AJAP1: variants seen among roughly 807,000 people sequenced by gnomAD.
The protein encoded by AJAP1 is adherens junction-associated protein 1.
A neutral mutation model predicts 35.0 loss-of-function variants in AJAP1; 5 were observed. The observed-to-expected ratio is 0.14, with a 90% CI of 0.07 to 0.30. The LOEUF (loss-of-function observed/expected upper bound fraction) is 0.30. AJAP1 is among the 10% of genes least tolerant of loss of function. The pLI, the probability that AJAP1 is intolerant of heterozygous loss-of-function variation, is 1.00. For synonymous variants in AJAP1, 284 were observed against 249.3 expected, an observed-to-expected ratio of 1.14 and a Z score of -1.31; for missense variants, 586 against 571.0, an observed-to-expected ratio of 1.03 and a Z score of -0.27.
At chr1:4,738,807 C>A (rs774278025) in intron 2 of AJAP1, among the ~76,000 whole-genome samples, 4 of 152,126 alleles carry the variant, frequency 2.6e-5, no homozygotes, top group Non-Finnish European at 4.4e-5. Flanking sequence ...CATGCATGGA[C>A]AAAATGTGGG....
At chr1:4,658,554 AATCT>A (rs1467589322) in intron 1 of AJAP1, among the ~76,000 whole-genome samples, 3 of 152,176 alleles carry the variant, frequency 2.0e-5, no homozygotes, top group East Asian at 1.9e-4. Context: ...TTGCAACTGG[AATCT>A]ATCTAGTGTC....
chr1:4,714,445 C>T (rs184909135), intron 2 of AJAP1, among the ~76,000 whole-genome samples: 4 of 152,314 alleles, frequency 2.6e-5, no homozygotes, highest in African/African-American at 7.2e-5. Context: ...CTGTCACCTC[C>T]TCTGTATACG....
chr1:4,747,552 C>T (rs1641217333), intron 2 of AJAP1, among the ~76,000 whole-genome samples: 1 of 152,306 alleles, frequency 6.6e-6, no homozygotes, highest in South Asian at 2.1e-4. Flanking sequence ...CCCACTTGTC[C>T]CTCTTGGGCC....
chr1:4,782,365 T>C lies in AJAP1; in HGVS notation c.*60-180T>C, dbSNP rs1285774464. ...TCTTCCAGTTCCTGCTGACCAGTTC[T>C]AGTGAGGCCTTGTCCACGTTCCAAG... On this transcript the variant is annotated intron_variant, in intron 5 of 5. Coordinates refer to ENST00000378191, the MANE Select transcript of AJAP1 (RefSeq NM_018836.4). The surrounding 1 kb of genome is among the most constrained non-coding windows in gnomAD (Gnocchi z 5.3). Among the ~76,000 whole-genome samples the C allele has an allele frequency of 6.6e-6, 1 of 152,154 alleles. No individual in the cohort carries two copies. The highest frequency in any genetic ancestry group is 2.4e-5 in the African/African-American group (1 of 41,452).
intron 1 of AJAP1, among the ~76,000 whole-genome samples, chr1:4,689,474 C>T (rs909774593): frequency 6.6e-6 from 1 of 152,172 alleles, no homozygotes; most frequent in Admixed American, 6.5e-5. Context: ...GGATCATGCA[C>T]AGGGCAGAGG....
chr1:4,737,453 G>T (rs1280886089), intron 2 of AJAP1, among the ~76,000 whole-genome samples: 2 of 151,870 alleles, frequency 1.3e-5, no homozygotes, highest in African/African-American at 2.4e-5. Context: ...GCAGCAACAG[G>T]ACGCAGTGCA....
At chr1:4,682,986 C>G (rs1009711208) in intron 1 of AJAP1, among the ~76,000 whole-genome samples, 4 of 152,190 alleles carry the variant, frequency 2.6e-5, no homozygotes, top group African/African-American at 9.7e-5. Flanking sequence ...CCAGCTATGT[C>G]AGTCCAGGCC....
At chr1:4,677,332 G>T (rs532827182) in intron 1 of AJAP1, among the ~76,000 whole-genome samples, 1 of 152,230 alleles carries the variant, frequency 6.6e-6, no homozygotes, top group Admixed American at 6.5e-5. Context: ...TCGCTTTGTA[G>T]GGCTCCTAAA....
chr1:4,728,356 C>T (rs1479749174), intron 2 of AJAP1, among the ~76,000 whole-genome samples: 1 of 152,072 alleles, frequency 6.6e-6, no homozygotes, highest in Non-Finnish European at 1.5e-5. Context: ...CTCCCTTTTT[C>T]CCTGGAGTCA....
rs572254905 is a variant in AJAP1 at position 4,694,174 on chromosome 1, G to A, written c.30-17726G>A. On this transcript the variant is annotated intron_variant, in intron 1 of 5. Transcript: ENST00000378191. ...TACGACCAGCTCAGCCCAGGGGCAC[G>A]GGTGCCAGTCTGCACCCACTTCATG... Among the ~76,000 whole-genome samples, 6 of 122,330 alleles carry A rather than the reference G, an allele frequency of 4.9e-5. No individual in the cohort carries two copies. In the South Asian group the frequency reaches 1.3e-3, roughly 27 times the overall value. 80.3% of individuals were successfully genotyped at this position (122,330 alleles called of 152,430 possible).
At chr1:4,689,818 C>G (rs1256923938) in intron 1 of AJAP1, among the ~76,000 whole-genome samples, 3 of 152,204 alleles carry the variant, frequency 2.0e-5, no homozygotes, top group African/African-American at 7.2e-5. Flanking sequence ...GGGAAACAGC[C>G]CCGCCAAGGC....
At chr1:4,773,882 G>A (rs1570227422) in intron 4 of AJAP1, among the ~76,000 whole-genome samples, 2 of 152,214 alleles carry the variant, frequency 1.3e-5, no homozygotes, top group Non-Finnish European at 2.9e-5. Flanking sequence ...AGCAGAGTTC[G>A]CACAGCTGGT....
Position 4,655,532 on chromosome 1 carries a change from T to G in AJAP1, c.29+78T>G. 6.7e-7 allele frequency: 1 copy of G among 1,503,106 alleles called. No individual in the cohort carries two copies. The highest frequency in any genetic ancestry group is 9.0e-7 in the Non-Finnish European group (1 of 1,112,326). 93.1% of individuals were successfully genotyped at this position (1,503,106 alleles called of 1,614,324 possible). ...GGCGGAAGCGGCGCTTTCCTCTATGTTGCAAATCAAGGGACCCCTCTTCGC... is the reference window on the plus strand; with the variant it reads ...GGCGGAAGCGGCGCTTTCCTCTATGGTGCAAATCAAGGGACCCCTCTTCGC... On this transcript the variant is annotated intron_variant, in intron 1 of 5. Transcript: ENST00000378191. The surrounding 1 kb of genome is among the most constrained non-coding windows in gnomAD (Gnocchi z 6.9).
At chr1:4,696,453 G>T (rs1420497804) in intron 1 of AJAP1, among the ~76,000 whole-genome samples, 8 of 152,154 alleles carry the variant, frequency 5.3e-5, no homozygotes, top group African/African-American at 1.2e-4. Flanking sequence ...TGGCTATGCT[G>T]TGTCCCTTTG....
At chr1:4,680,922 C>A (rs1265693943) in intron 1 of AJAP1, among the ~76,000 whole-genome samples, 1 of 152,118 alleles carries the variant, frequency 6.6e-6, no homozygotes, top group Admixed American at 6.5e-5. Flanking sequence ...TGTCTTATAA[C>A]CTTGTACAAT....
intron 2 of AJAP1, among the ~76,000 whole-genome samples, chr1:4,729,180 G>C (rs1354017355): frequency 6.6e-6 from 1 of 152,208 alleles, no homozygotes; most frequent in Non-Finnish European, 1.5e-5. Context: ...CATCCATGGT[G>C]AATGAATAAG....
At chr1:4,761,874 T>C (rs553162199) in intron 2 of AJAP1, among the ~76,000 whole-genome samples, 45 of 152,338 alleles carry the variant, frequency 3.0e-4, no homozygotes, top group Non-Finnish European at 5.3e-4. Flanking sequence ...CTGATTAGAT[T>C]GTGCCCACCC....
At chr1:4,673,187 T>C (rs1639284352) in intron 1 of AJAP1, among the ~76,000 whole-genome samples, 1 of 152,178 alleles carries the variant, frequency 6.6e-6, no homozygotes, top group South Asian at 2.1e-4. Context: ...GCTAGTCTTC[T>C]CACCAATGGA....
At chr1:4,772,587 G>T in intron 4 of AJAP1, 62 bp downstream of exon 4, 1 of 1,587,312 alleles carries the variant, frequency 6.3e-7, no homozygotes, top group South Asian at 1.2e-5. Context: ...GACCCCCGGG[G>T]GCCGGTGTGG....
Sources: gnomAD v4.1 joint callset for allele counts (sites outside exome capture counted in the v4.1 genomes callset) on GRCh38, gnomAD v4.1.1 for gene constraint, Gnocchi (gnomAD v3.1) non-coding constraint, MANE v1.5 for transcripts, NCBI Gene and HGNC (gene_info 2026-07-23, HGNC 2026-07-21) for gene names.